Variants in NR2C1 observed in about 807,000 individuals in gnomAD.
NR2C1 encodes the protein TR2 nuclear hormone receptor.
A neutral mutation model predicts 74.8 loss-of-function variants in NR2C1; 33 were observed. The observed-to-expected ratio is 0.44, with a 90% CI of 0.33 to 0.59. The LOEUF is 0.59. Ranked by LOEUF, NR2C1 falls within the 20% of genes least tolerant of loss-of-function variation. The pLI, the probability that NR2C1 is intolerant of heterozygous loss-of-function variation, is 0.02. For synonymous variants in NR2C1, 225 were observed against 240.6 expected (o/e 0.94, Z 0.60); for missense variants, 568 against 715.6 (o/e 0.79, Z 2.35).
rs550069594 is a variant in NR2C1 at position 95,053,681 on chromosome 12, G to GTTTTTTTTTTTTT, written c.784-1751_784-1739dup. 1.1e-3 allele frequency among the ~76,000 whole-genome samples: 110 copies of GTTTTTTTTTTTTT among 103,392 alleles called. 3 individuals carry two copies. The highest frequency in any genetic ancestry group is 4.1e-3 in the African/African-American group (102 of 24,986). The allele number at this position is 103,392 out of a possible 152,430, so 67.8% of individuals were successfully genotyped here. A position where few individuals can be genotyped will look rare whatever the true frequency, so the allele number is the denominator to read the frequency against. Reference sequence around the variant, plus strand: ...TTCTTCATGGTTTTTTCTTTTTGGTGTTTTTTTTTTTTTTTTTTTTTGAGA... The same window carrying GTTTTTTTTTTTTT: ...TTCTTCATGGTTTTTTCTTTTTGGTGTTTTTTTTTTTTTTTTTTTTTTTTTTTTTTTTTTGAGA... On this transcript the variant is annotated intron_variant, in intron 7 of 13. Coordinates refer to ENST00000333003, the MANE Select transcript of NR2C1 (RefSeq NM_003297.4).
At chr12:95,030,406 GAATAAAGTTTTAC>G (rs1038243856) in intron 11 of NR2C1, 127 of 1,264,748 alleles carry the variant, frequency 1.0e-4, no homozygotes, top group Non-Finnish European at 1.2e-4. Flanking sequence ...AACTGAAGCA[GAATAAAGTTTTAC>G]AATAAAGATT....
Position 95,062,586 on chromosome 12 carries a change from A to G in NR2C1, c.207T>C (p.Val69=), listed in dbSNP as rs780482349. ...CTGCTGCATCTGGAGTTGTAAGGAA[A>G]ACTTTTCCCGGAGTGGAATCTTGCC... ...LARQDSTPGK[V]FLTTPDAAGV... Residue 69 remains valine, a synonymous_variant, in exon 3 of 14, where the codon GTT becomes GTC. Coordinates refer to ENST00000333003, the MANE Select transcript of NR2C1 (RefSeq NM_003297.4). The G allele has an allele frequency of 6.2e-7, 1 of 1,614,082 alleles. No individual in the cohort carries two copies. Among genetic ancestry groups the G allele is most frequent in the Admixed American group, 1.7e-5 (1 of 60,000 alleles).
intron 10 of NR2C1, among the ~76,000 whole-genome samples, chr12:95,036,865 T>C (rs1430394500): frequency 6.6e-6 from 1 of 152,224 alleles, no homozygotes; most frequent in African/African-American, 2.4e-5. Flanking sequence ...TAATTGTTTA[T>C]ACTATTTATT....
chr12:95,051,067 CT>C (rs1200084556), intron 8 of NR2C1, among the ~76,000 whole-genome samples: 2 of 152,206 alleles, frequency 1.3e-5, no homozygotes, highest in East Asian at 3.9e-4. Context: ...AGAATATAAC[CT>C]TTCATAATGA....
Position 95,042,422 on chromosome 12 carries a change from A to G in NR2C1, c.1132-1825T>C, listed in dbSNP as rs375667124. 3.3e-5 allele frequency among the ~76,000 whole-genome samples: 5 copies of G among 152,028 alleles called. No individual in the cohort carries two copies. In the East Asian group the frequency reaches 7.8e-4, roughly 24 times the overall value. Reference sequence around the variant, plus strand: ...GAGACGGGGTTGTACCACGTTGGCCAGGCTCGTCTCAAACTCCTGACCTCA... The same window carrying G: ...GAGACGGGGTTGTACCACGTTGGCCGGGCTCGTCTCAAACTCCTGACCTCA... On this transcript the variant is annotated intron_variant, in intron 9 of 13. Coordinates refer to ENST00000333003, the MANE Select transcript of NR2C1 (RefSeq NM_003297.4).
intron 9 of NR2C1, among the ~76,000 whole-genome samples, chr12:95,047,688 A>C (rs1872481185): frequency 6.6e-6 from 1 of 152,220 alleles, no homozygotes. Flanking sequence ...TGCTAAGTGA[A>C]ATCTATATGC....
chr12:95,028,634 T>A, intron 11 of NR2C1, 110 bp from the exon 12 acceptor site: 2 of 774,972 alleles, frequency 2.6e-6, no homozygotes, highest in Non-Finnish European at 4.1e-6. Flanking sequence ...AATTCTTAAA[T>A]TTTTTTTGAG....
intron 9 of NR2C1, among the ~76,000 whole-genome samples, chr12:95,042,934 A>AAC (rs1276370015): frequency 1.4e-5 from 2 of 147,480 alleles, no homozygotes; most frequent in Admixed American, 1.4e-4. Context: ...CATTTCTACA[A>AAC]AAAAAAAAAA....
At position 95,051,923 on chromosome 12, in the gene NR2C1, A is replaced by T; in HGVS notation, c.804T>A (p.Asp268Glu). 1 of 1,590,694 alleles carries T rather than the reference A, an allele frequency of 6.3e-7. No individual in the cohort carries two copies. The highest frequency in any genetic ancestry group is 8.5e-7 in the Non-Finnish European group (1 of 1,173,052). ...TAACCACATTGGCCAATGTACTTAA[A>T]TCTCCCTGACATGATTCAGCCTTTA... is the stretch of plus-strand genomic sequence containing the variant. Reference protein sequence around the residue: ...TSDKAESCQGDLSTLANVVTS... With the variant: ...TSDKAESCQGELSTLANVVTS... The change falls in exon 8 of 14, where the codon GAT (aspartate) becomes GAA (glutamate). Residue 268 changes from aspartate to glutamate, a missense_variant. Coordinates refer to ENST00000333003, the MANE Select transcript of NR2C1 (RefSeq NM_003297.4).
At chr12:95,030,326 T>G (rs182071846) in intron 11 of NR2C1, 1 of 595,880 alleles carries the variant, frequency 1.7e-6, no homozygotes, top group Admixed American at 4.3e-5. Flanking sequence ...CAAAACCATC[T>G]ACATGTTTCA....
intron 9 of NR2C1, among the ~76,000 whole-genome samples, chr12:95,047,207 A>C (rs1872420916): frequency 6.6e-6 from 1 of 152,214 alleles, no homozygotes; most frequent in Admixed American, 6.5e-5. Flanking sequence ...CTAAGAAAAC[A>C]AAAGAGTATC....
chr12:95,047,232 CG>C (rs1487673098), intron 9 of NR2C1, among the ~76,000 whole-genome samples: 2 of 152,072 alleles, frequency 1.3e-5, no homozygotes, highest in Non-Finnish European at 2.9e-5. Context: ...ATTTAGAATA[CG>C]AAAGAACAAT....
chr12:95,042,932 C>CAAAA lies in NR2C1; in HGVS notation c.1132-2339_1132-2336dup, dbSNP rs869036674. 6.9e-3 allele frequency among the ~76,000 whole-genome samples: 452 copies of CAAAA among 65,672 alleles called. 3 individuals are homozygous for CAAAA. Among genetic ancestry groups the CAAAA allele is most frequent in the African/African-American group, 0.026 (429 of 16,484 alleles). 43.1% of individuals were successfully genotyped at this position (65,672 alleles called of 152,430 possible). A position where few individuals can be genotyped will look rare whatever the true frequency, so the allele number is the denominator to read the frequency against. On this transcript the variant is annotated intron_variant, in intron 9 of 13. Coordinates refer to ENST00000333003, the MANE Select transcript of NR2C1 (RefSeq NM_003297.4). ...GGCAACATAACGAGACCCATTTCTA[C>CAAAA]AAAAAAAAAAAAAAAAAAACCGACA...
At chr12:95,065,785 A>G (rs1029460289) in intron 2 of NR2C1, among the ~76,000 whole-genome samples, 8 of 152,130 alleles carry the variant, frequency 5.3e-5, no homozygotes, top group Admixed American at 6.6e-5. Context: ...CCCCATCTCT[A>G]TTAAAAATAC....
At chr12:95,069,677 G>A (rs1233016736) in intron 1 of NR2C1, among the ~76,000 whole-genome samples, 1 of 152,030 alleles carries the variant, frequency 6.6e-6, no homozygotes, top group Non-Finnish European at 1.5e-5. Context: ...ATTTAACTCC[G>A]AAGATAAGGC....
rs1175194647 is a variant in NR2C1 at position 95,020,592 on chromosome 12, T to C, written c.*1637A>G. 6.6e-6 allele frequency: 1 copy of C among 152,236 alleles called. No homozygotes were observed. The highest frequency in any genetic ancestry group is 2.4e-5 in the African/African-American group (1 of 41,472). The allele number at this position is 152,236 out of a possible 1,614,324, so 9.4% of individuals were successfully genotyped here. A position where few individuals can be genotyped will look rare whatever the true frequency, so the allele number is the denominator to read the frequency against. Reference sequence around the variant, plus strand: ...ACTGTAAGTTGATATTTTCAAACTTTTGATTACTATAAAGTAGTAAGCAAT... The same window carrying C: ...ACTGTAAGTTGATATTTTCAAACTTCTGATTACTATAAAGTAGTAAGCAAT... On this transcript the variant is annotated 3_prime_UTR_variant, in exon 14 of 14. Coordinates refer to ENST00000333003, the MANE Select transcript of NR2C1 (RefSeq NM_003297.4).
intron 13 of NR2C1, among the ~76,000 whole-genome samples, chr12:95,024,441 G>T (rs920189983): frequency 6.6e-6 from 1 of 152,140 alleles, no homozygotes; most frequent in Non-Finnish European, 1.5e-5. Context: ...TCTATAACCA[G>T]GTGATTAACC....
chr12:95,066,063 A>G (rs903057443), intron 2 of NR2C1, among the ~76,000 whole-genome samples: 2 of 152,228 alleles, frequency 1.3e-5, no homozygotes, highest in African/African-American at 2.4e-5. Context: ...CTTAATGACT[A>G]AAAAGTTTAT....
intron 9 of NR2C1, among the ~76,000 whole-genome samples, chr12:95,048,603 T>C (rs963171716): frequency 1.3e-5 from 2 of 151,738 alleles, no homozygotes; most frequent in Non-Finnish European, 2.9e-5. Context: ...AAAGACATTT[T>C]GTTTCTATAT....
Sources: allele counts gnomAD v4.1 joint callset (sites outside exome capture counted in the v4.1 genomes callset), GRCh38; gene constraint gnomAD v4.1.1; transcripts MANE v1.5; gene names NCBI Gene and HGNC (gene_info 2026-07-23, HGNC 2026-07-21).